The following GOLGA1 variants were observed in gnomAD, a reference collection of about 807,000 sequenced individuals.
GOLGA1 encodes golgin A1.
Under a neutral mutation model 119.7 loss-of-function variants are expected in GOLGA1, and 63 were observed. The ratio of observed to expected loss-of-function variants is 0.53; its 90% confidence interval spans 0.43 to 0.65. GOLGA1 has a LOEUF of 0.65. Among genes scored for constraint, GOLGA1 ranks in the 30% least tolerant of loss-of-function variants. GOLGA1 has a pLI of 0.00. For missense variants in GOLGA1, 798 were observed against 912.8 expected, an observed-to-expected ratio of 0.87 and a Z score of 1.62; for synonymous variants, 318 against 333.4, an observed-to-expected ratio of 0.95 and a Z score of 0.50.
chr9:124,882,052 G>T, intron 20 of GOLGA1, 98 bp from the exon 21 acceptor site: 1 of 906,434 alleles, frequency 1.1e-6, no homozygotes, highest in Non-Finnish European at 1.7e-6. Flanking sequence ...GATCACTATC[G>T]TAGGGCAAAA....
At chr9:124,898,478 T>A in intron 15 of GOLGA1, 71 bp downstream of exon 15, 1 of 846,198 alleles carries the variant, frequency 1.2e-6, no homozygotes, top group Non-Finnish European at 2.0e-6. Context: ...GTATGAGAAG[T>A]GGGGCACTGT....
At chr9:124,917,767 C>T (rs1830479002) in intron 10 of GOLGA1, among the ~76,000 whole-genome samples, 1 of 152,176 alleles carries the variant, frequency 6.6e-6, no homozygotes, top group African/African-American at 2.4e-5. Flanking sequence ...TCTCTCCCAT[C>T]ATCCCTTTCT....
At chr9:124,896,903 G>A (rs549797801) in intron 15 of GOLGA1, among the ~76,000 whole-genome samples, 38 of 152,048 alleles carry the variant, frequency 2.5e-4, no homozygotes, top group African/African-American at 7.7e-4. Context: ...CTGCACTCCA[G>A]CCTGGGCAAC....
chr9:124,933,188 C>T (rs1268805302), intron 3 of GOLGA1, among the ~76,000 whole-genome samples: 1 of 152,120 alleles, frequency 6.6e-6, no homozygotes, highest in East Asian at 1.9e-4. Context: ...TAGAGCCAGA[C>T]GCCATGCTAA....
At position 124,909,699 on chromosome 9, in the gene GOLGA1, G is replaced by C. The variant is rs138652403; in HGVS notation, c.970-1227C>G. Among the ~76,000 whole-genome samples the C allele has an allele frequency of 1.6e-4, 24 of 152,076 alleles. No homozygotes were observed. The East Asian group carries it at 4.2e-3, about 27-fold the overall frequency. On this transcript the variant is annotated intron_variant, in intron 11 of 22. Coordinates refer to ENST00000373555, the MANE Select transcript of GOLGA1 (RefSeq NM_002077.4). ...ATCTCAGCTAGTTGCACAGATTTGAGGCCTTGCTCCAAGCCTAAGGAAATC... is the reference window on the plus strand; with the variant it reads ...ATCTCAGCTAGTTGCACAGATTTGACGCCTTGCTCCAAGCCTAAGGAAATC...
chr9:124,885,119 G>C (rs1829689082), intron 19 of GOLGA1, among the ~76,000 whole-genome samples: 1 of 152,204 alleles, frequency 6.6e-6, no homozygotes, highest in Non-Finnish European at 1.5e-5. Flanking sequence ...ACGAGGTCAA[G>C]AGATCGAGAC....
chr9:124,896,166 C>G (rs1478775578), intron 15 of GOLGA1, among the ~76,000 whole-genome samples: 1 of 152,232 alleles, frequency 6.6e-6, no homozygotes, highest in East Asian at 1.9e-4. Context: ...GTAATCCCAG[C>G]ACTTTGGGAG....
At position 124,931,363 on chromosome 9, in the gene GOLGA1, A is replaced by G; in HGVS notation, c.179T>C (p.Leu60Pro). 1 of 1,600,268 alleles carries G rather than the reference A, an allele frequency of 6.2e-7. No individual in the cohort carries two copies. Among genetic ancestry groups the G allele is most frequent in the Non-Finnish European group, 8.6e-7 (1 of 1,167,498 alleles). Residue 60 changes from leucine to proline, a missense_variant, in exon 4 of 23, where the codon CTT (leucine) becomes CCT (proline). Physicochemically the swap from Leu to Pro is moderately conservative, Grantham distance 98. Transcript: ENST00000373555. ...CCGTATCTGTTCATTCCTTCTCAGA[A>G]GCTGGGATGAAAGATCTTCTCTGGA... is the stretch of plus-strand genomic sequence containing the variant. ...SSSREDLSSQLLRRNEQIRKL... is the reference protein window; with the variant it reads ...SSSREDLSSQPLRRNEQIRKL...
At chr9:124,911,791 T>C (rs1449733819) in intron 11 of GOLGA1, 110 bp downstream of exon 11, 4 of 929,010 alleles carry the variant, frequency 4.3e-6, no homozygotes, top group Non-Finnish European at 6.6e-6. Flanking sequence ...ACTTCTTTTG[T>C]TACCATGCTG....
intron 12 of GOLGA1, among the ~76,000 whole-genome samples, chr9:124,905,047 G>T (rs1328040110): frequency 6.6e-6 from 1 of 151,194 alleles, no homozygotes; most frequent in Admixed American, 6.6e-5. Flanking sequence ...TTGGGAGGTT[G>T]AGGCAGGAGA....
chr9:124,908,239 CATCCCTGTATAGGTAAG>C (rs777530349), intron 12 of GOLGA1, 121 bp downstream of exon 12: 57 of 638,532 alleles, frequency 8.9e-5, no homozygotes, highest in Non-Finnish European at 1.5e-4. Flanking sequence ...ATGACTAACT[CATCCCTGTATAGGTAAG>C]ATCCAAAAAT....
At chr9:124,914,396 G>A (rs1452013204) in intron 10 of GOLGA1, among the ~76,000 whole-genome samples, 1 of 152,194 alleles carries the variant, frequency 6.6e-6, no homozygotes, top group Non-Finnish European at 1.5e-5. Flanking sequence ...AGCTACTCAG[G>A]AGGCTGAGGC....
chr9:124,900,686 G>T, intron 12 of GOLGA1, 139 bp from the exon 13 acceptor site: 1 of 514,414 alleles, frequency 1.9e-6, no homozygotes. Context: ...TACTGCATAA[G>T]TCTACCATTA....
chr9:124,878,915 T>C lies in GOLGA1; in HGVS notation c.*1615A>G, dbSNP rs972196307. Reference sequence around the variant, plus strand: ...GAACAGAAGAGACTCCTGTTTCGTGTTCCCACCAGGTAAATGGAAATTCGT... The same window carrying C: ...GAACAGAAGAGACTCCTGTTTCGTGCTCCCACCAGGTAAATGGAAATTCGT... On this transcript the variant is annotated 3_prime_UTR_variant, in exon 23 of 23. Coordinates refer to ENST00000373555, the MANE Select transcript of GOLGA1 (RefSeq NM_002077.4). The C allele has an allele frequency of 8.5e-5, 13 of 152,206 alleles. No homozygotes were observed. Among genetic ancestry groups the C allele is most frequent in the African/African-American group, 2.9e-4 (12 of 41,444 alleles). 9.4% of individuals were successfully genotyped at this position (152,206 alleles called of 1,614,324 possible). A position where few individuals can be genotyped will look rare whatever the true frequency, so the allele number is the denominator to read the frequency against.
chr9:124,888,698 T>TTATC lies in GOLGA1; in HGVS notation c.1762-306_1762-303dup, dbSNP rs1829783090. Among the ~76,000 whole-genome samples, 1 of 150,984 alleles carries TTATC rather than the reference T, an allele frequency of 6.6e-6. No homozygotes were observed. The highest frequency in any genetic ancestry group is 6.6e-5 in the Admixed American group (1 of 15,246). On this transcript the variant is annotated intron_variant, in intron 18 of 22. Transcript: ENST00000373555. The surrounding 1 kb of genome is among the most constrained non-coding windows in gnomAD (Gnocchi z 4.4). ...CATATGAGTGCCCTACTTTATTTAT[T>TTATC]TATCTATTTATTTATTTATTGAGAC...
rs1349585687 is a variant in GOLGA1 at position 124,933,611 on chromosome 9, C to T, written c.136-2205G>A. ...TGTATTTTTAGTAGAGACAGGGTTTCGCCATGTTGGCCAGGCTGGTCTCAA... is the reference window on the plus strand; with the variant it reads ...TGTATTTTTAGTAGAGACAGGGTTTTGCCATGTTGGCCAGGCTGGTCTCAA... On this transcript the variant is annotated intron_variant, in intron 3 of 22. Transcript: ENST00000373555. Among the ~76,000 whole-genome samples, 6 of 152,210 alleles carry T rather than the reference C, an allele frequency of 3.9e-5. No individual in the cohort carries two copies. In the East Asian group the frequency reaches 9.6e-4, roughly 24 times the overall value.
chr9:124,886,610 G>A (rs1215544237), intron 19 of GOLGA1, among the ~76,000 whole-genome samples: 2 of 152,138 alleles, frequency 1.3e-5, no homozygotes, highest in Non-Finnish European at 2.9e-5. Flanking sequence ...GCAGGGCAAA[G>A]GGGTGCAAGC....
chr9:124,920,855 GA>G (rs58458904), intron 10 of GOLGA1, among the ~76,000 whole-genome samples: 7,386 of 110,830 alleles, frequency 0.067, 410 homozygotes, highest in East Asian at 0.29. Flanking sequence ...CAAAAAAAAA[GA>G]AAAAAAAAAA....
chr9:124,941,809 C>T (rs190295108), upstream of GOLGA1, among the ~76,000 whole-genome samples: 13 of 152,310 alleles, frequency 8.5e-5, no homozygotes, highest in Non-Finnish European at 1.9e-4. Context: ...CAAAAGTGCA[C>T]GGCGCGCGCT....
Sources: gnomAD v4.1 joint callset for allele counts (sites outside exome capture counted in the v4.1 genomes callset) on GRCh38, gnomAD v4.1.1 for gene constraint, Gnocchi (gnomAD v3.1) non-coding constraint, MANE v1.5 for transcripts, NCBI Gene and HGNC (gene_info 2026-07-23, HGNC 2026-07-21) for gene names.